The following CMIP variants were observed in gnomAD, a reference collection of about 807,000 sequenced individuals.
The protein encoded by CMIP is C-Maf-inducing protein.
A neutral mutation model predicts 97.3 loss-of-function variants in CMIP; 13 were observed. The observed-to-expected ratio is 0.13, with a 90% CI of 0.09 to 0.21. The LOEUF is 0.21. Among genes scored for constraint, CMIP ranks in the 10% least tolerant of loss-of-function variants. The pLI, the probability that CMIP is intolerant of heterozygous loss-of-function variation, is 1.00. For missense variants in CMIP, 847 were observed against 1,024.9 expected, an observed-to-expected ratio of 0.83 and a Z score of 2.37; for synonymous variants, 538 against 436.3, an observed-to-expected ratio of 1.23 and a Z score of -2.91.
intron 3 of CMIP, among the ~76,000 whole-genome samples, chr16:81,647,909 C>T (rs1484346931): frequency 7.9e-6 from 1 of 127,232 alleles, no homozygotes; most frequent in Non-Finnish European, 1.6e-5. Flanking sequence ...CCGTAGCCCA[C>T]CCTCCCCCCG....
At chr16:81,558,196 G>C (rs1320275037) in intron 1 of CMIP, among the ~76,000 whole-genome samples, 1 of 152,188 alleles carries the variant, frequency 6.6e-6, no homozygotes, top group African/African-American at 2.4e-5. Context: ...CCGTCCATCA[G>C]AGGACACGAG....
intron 1 of CMIP, among the ~76,000 whole-genome samples, chr16:81,451,991 C>T (rs1349982812): frequency 3.3e-5 from 5 of 152,178 alleles, no homozygotes; most frequent in African/African-American, 2.4e-5. Flanking sequence ...GAGCCCTAAC[C>T]GAAGGGTGAT....
At position 81,612,434 on chromosome 16, in the gene CMIP, G is replaced by A. The variant is rs58775861; in HGVS notation, c.426+4742G>A. Among the ~76,000 whole-genome samples the A allele has an allele frequency of 6.8e-3, 1,038 of 152,304 alleles. 10 individuals are homozygous for A. Among genetic ancestry groups the A allele is most frequent in the African/African-American group, 0.024 (1,004 of 41,568 alleles). ...CAAACATTGGCAGCAGGGCAGGGACGGGGTGGGTTCCTTTCTTACTGGAAG... is the reference window on the plus strand; with the variant it reads ...CAAACATTGGCAGCAGGGCAGGGACAGGGTGGGTTCCTTTCTTACTGGAAG... On this transcript the variant is annotated intron_variant, in intron 2 of 20. Coordinates refer to ENST00000537098, the MANE Select transcript of CMIP (RefSeq NM_198390.3).
chr16:81,554,069 T>C (rs2090714145), intron 1 of CMIP, among the ~76,000 whole-genome samples: 1 of 152,216 alleles, frequency 6.6e-6, no homozygotes, highest in Admixed American at 6.5e-5. Flanking sequence ...GTACTTTCCA[T>C]TTAAGGCATT....
intron 1 of CMIP, among the ~76,000 whole-genome samples, chr16:81,596,315 G>T (rs1302554444): frequency 2.0e-5 from 3 of 151,998 alleles, no homozygotes; most frequent in Non-Finnish European, 4.4e-5. Flanking sequence ...AGACCAGCCT[G>T]GCCAACATGA....
intron 1 of CMIP, among the ~76,000 whole-genome samples, chr16:81,502,232 A>G (rs771535898): frequency 6.6e-5 from 10 of 152,166 alleles, no homozygotes; most frequent in Non-Finnish European, 1.3e-4. Flanking sequence ...CATAACAAGG[A>G]TTAGGTGAGA....
At chr16:81,455,337 T>C (rs1423960315) in intron 1 of CMIP, among the ~76,000 whole-genome samples, 1 of 152,242 alleles carries the variant, frequency 6.6e-6, no homozygotes, top group Non-Finnish European at 1.5e-5. Context: ...AGTTAGATAC[T>C]GTTACTCTCT....
chr16:81,534,986 T>G (rs2090313814), intron 1 of CMIP, among the ~76,000 whole-genome samples: 1 of 152,230 alleles, frequency 6.6e-6, no homozygotes, highest in African/African-American at 2.4e-5. Context: ...AGTCTTGCTC[T>G]GTCTCCCAGG....
intron 6 of CMIP, among the ~76,000 whole-genome samples, chr16:81,661,289 G>T (rs1336060262): frequency 1.3e-5 from 2 of 152,266 alleles, no homozygotes; most frequent in Non-Finnish European, 2.9e-5. Flanking sequence ...CTGGCCCACG[G>T]TGGGGTGCGG....
chr16:81,586,558 T>C (rs950487482), intron 1 of CMIP, among the ~76,000 whole-genome samples: 7 of 152,182 alleles, frequency 4.6e-5, no homozygotes, highest in African/African-American at 1.7e-4. Flanking sequence ...CTCCAAGCAC[T>C]GTAGCCTGCC....
chr16:81,515,695 G>T (rs574137286), intron 1 of CMIP, among the ~76,000 whole-genome samples: 1 of 152,326 alleles, frequency 6.6e-6, no homozygotes, highest in Non-Finnish European at 1.5e-5. Flanking sequence ...GTTGGTAGCT[G>T]TGCCAGTCTG....
chr16:81,491,113 C>G (rs1056422950), intron 1 of CMIP, among the ~76,000 whole-genome samples: 1 of 152,098 alleles, frequency 6.6e-6, no homozygotes, highest in Non-Finnish European at 1.5e-5. Context: ...GGTTCCTGTT[C>G]CTGACCCATG....
intron 1 of CMIP, among the ~76,000 whole-genome samples, chr16:81,515,231 T>C (rs912580143): frequency 2.0e-5 from 3 of 152,206 alleles, no homozygotes; most frequent in African/African-American, 7.2e-5. Flanking sequence ...GGCTGAAGGA[T>C]TGACCGGGCA....
chr16:81,683,512 C>T (rs866914917), intron 10 of CMIP, among the ~76,000 whole-genome samples: 1 of 152,082 alleles, frequency 6.6e-6, no homozygotes, highest in Non-Finnish European at 1.5e-5. Flanking sequence ...GCCTCAGCCT[C>T]CCCAGTAGCT....
intron 1 of CMIP, among the ~76,000 whole-genome samples, chr16:81,583,146 A>T (rs2091324400): frequency 6.6e-6 from 1 of 152,258 alleles, no homozygotes. Context: ...CTGATCAGGC[A>T]GTGAAAGAAG....
At chr16:81,492,364 A>G (rs2089419360) in intron 1 of CMIP, among the ~76,000 whole-genome samples, 1 of 152,218 alleles carries the variant, frequency 6.6e-6, no homozygotes, top group Non-Finnish European at 1.5e-5. Context: ...GCTGGCTTTG[A>G]GACACATGCC....
At chr16:81,470,737 C>CATGA (rs1468535852) in intron 1 of CMIP, among the ~76,000 whole-genome samples, 4 of 152,238 alleles carry the variant, frequency 2.6e-5, no homozygotes, top group African/African-American at 9.7e-5. Flanking sequence ...GGATTACGAG[C>CATGA]ATGAGCCACT....
At chr16:81,701,548 A>G in intron 15 of CMIP, 112 bp from the exon 16 acceptor site, 1 of 1,460,956 alleles carries the variant, frequency 6.8e-7, no homozygotes, top group Non-Finnish European at 9.5e-7. Context: ...GGGGCTGCAG[A>G]AAGGGGATAG....
intron 1 of CMIP, among the ~76,000 whole-genome samples, chr16:81,491,588 A>G (rs2089406838): frequency 6.6e-6 from 1 of 152,224 alleles, no homozygotes; most frequent in Non-Finnish European, 1.5e-5. Flanking sequence ...TCACCCAAGT[A>G]TGGAAATCCT....
Sources: gnomAD v4.1 joint callset for allele counts (sites outside exome capture counted in the v4.1 genomes callset) on GRCh38, gnomAD v4.1.1 for gene constraint, MANE v1.5 for transcripts, NCBI Gene and HGNC (gene_info 2026-07-23, HGNC 2026-07-21) for gene names.